The following XKR9 variants were observed in gnomAD, a reference collection of about 807,000 sequenced individuals.
The protein encoded by XKR9 is XK related 9, also known as XK-related protein 9.
Under a neutral mutation model 32.0 loss-of-function variants are expected in XKR9, and 32 were observed. The observed-to-expected ratio is 1.00, with a 90% CI of 0.76 to 1.34. XKR9 has a LOEUF of 1.34. Ranked by LOEUF, XKR9 falls within the 40% of genes most tolerant of loss-of-function variation. The probability of loss-of-function intolerance (pLI) is 0.00; values close to 1 mark genes in which losing one functional copy is unlikely to be tolerated. For synonymous variants in XKR9, 168 were observed against 143.4 expected, an observed-to-expected ratio of 1.17 and a Z score of -1.22; for missense variants, 546 against 429.7, an observed-to-expected ratio of 1.27 and a Z score of -2.39.
chr8:70,945,476 G>A, the XKR9 span, among the ~76,000 whole-genome samples: 1 of 152,190 alleles, frequency 6.6e-6, no homozygotes, highest in African/African-American at 2.4e-5. Flanking sequence ...TGACTAAGCA[G>A]TGCAAGATGC....
chr8:70,997,219 C>T, the XKR9 span, among the ~76,000 whole-genome samples: 1 of 152,004 alleles, frequency 6.6e-6, no homozygotes, highest in Non-Finnish European at 1.5e-5. Context: ...ATCGCTTGAA[C>T]CCGGAAGGCG....
the XKR9 span, among the ~76,000 whole-genome samples, chr8:70,815,213 A>G: frequency 6.6e-6 from 1 of 152,090 alleles, no homozygotes; most frequent in Non-Finnish European, 1.5e-5. Flanking sequence ...CAGGTTTGTT[A>G]TATAGGTAAA....
the XKR9 span, among the ~76,000 whole-genome samples, chr8:71,062,101 G>C: frequency 6.6e-6 from 1 of 152,324 alleles, no homozygotes; most frequent in Admixed American, 6.5e-5. Context: ...GTAGGAAGAA[G>C]AGCTTATTTT....
chr8:70,815,143 A>G, the XKR9 span, among the ~76,000 whole-genome samples: 1 of 151,318 alleles, frequency 6.6e-6, no homozygotes, highest in African/African-American at 2.4e-5. Context: ...GAATTTTTTT[A>G]CATTGTATTT....
At chr8:70,786,117 T>C (rs1434528696) in intron 2 of XKR9, among the ~76,000 whole-genome samples, 1 of 152,180 alleles carries the variant, frequency 6.6e-6, no homozygotes, top group East Asian at 1.9e-4. Context: ...TCTATTTTTA[T>C]AACATTGTGG....
chr8:71,049,504 G>A, the XKR9 span, among the ~76,000 whole-genome samples: 1 of 152,344 alleles, frequency 6.6e-6, no homozygotes, highest in African/African-American at 2.4e-5. Flanking sequence ...GGGGAAGGTA[G>A]ACATGTGAAG....
the XKR9 span, among the ~76,000 whole-genome samples, chr8:70,979,261 G>A: frequency 1.3e-5 from 2 of 152,116 alleles, no homozygotes; most frequent in Admixed American, 1.3e-4. Context: ...ATCATTCTCC[G>A]TCCAGCTTTG....
chr8:70,862,010 A>G, the XKR9 span, among the ~76,000 whole-genome samples: 2 of 152,080 alleles, frequency 1.3e-5, no homozygotes, highest in East Asian at 3.9e-4. Flanking sequence ...GTGGAAGGGA[A>G]CTTTTTCCTT....
the XKR9 span, among the ~76,000 whole-genome samples, chr8:71,005,917 C>T: frequency 1.3e-5 from 2 of 152,168 alleles, no homozygotes; most frequent in Non-Finnish European, 2.9e-5. Context: ...TTTATTCAGC[C>T]ACTCTCCACA....
At chr8:70,773,147 C>A (rs1312954294) in intron 2 of XKR9, among the ~76,000 whole-genome samples, 1 of 152,154 alleles carries the variant, frequency 6.6e-6, no homozygotes, top group African/African-American at 2.4e-5. Context: ...CCAGTGCATT[C>A]TTTCAGTGGT....
intron 2 of XKR9, among the ~76,000 whole-genome samples, chr8:70,789,162 A>C (rs985043948): frequency 6.6e-6 from 1 of 152,072 alleles, no homozygotes; most frequent in East Asian, 1.9e-4. Flanking sequence ...TTTACGTGTA[A>C]CTTAGGTCTG....
downstream of XKR9, among the ~76,000 whole-genome samples, chr8:70,739,563 C>T (rs564289048): frequency 1.6e-4 from 25 of 152,172 alleles, no homozygotes; most frequent in South Asian, 4.2e-3. Context: ...TTCCTAGCCT[C>T]GATGGTCTTT....
intron 2 of XKR9, among the ~76,000 whole-genome samples, chr8:70,767,496 C>CTTTTTTTTTTTTT (rs34400671): frequency 4.0e-5 from 4 of 99,350 alleles, no homozygotes; most frequent in Non-Finnish European, 5.8e-5. Flanking sequence ...TCTTTTCCTT[C>CTTTTTTTTTTTTT]TTTTTTTTTT....
the XKR9 span, among the ~76,000 whole-genome samples, chr8:71,022,151 C>T: frequency 6.6e-6 from 1 of 152,140 alleles, no homozygotes; most frequent in African/African-American, 2.4e-5. Context: ...TGTAGGTGTG[C>T]AGCTTTAATT....
chr8:70,751,191 C>T (rs139305474), intron 2 of XKR9, among the ~76,000 whole-genome samples: 5,697 of 152,202 alleles, frequency 0.037, 149 homozygotes, highest in South Asian at 0.079. Flanking sequence ...TGCAGTGGCG[C>T]GATTCGGCTC....
intron 2 of XKR9, among the ~76,000 whole-genome samples, chr8:70,756,037 G>A (rs773219088): frequency 6.6e-6 from 1 of 152,040 alleles, no homozygotes; most frequent in Non-Finnish European, 1.5e-5. Flanking sequence ...GATGTATTTG[G>A]AGTTGATTTG....
At chr8:70,881,815 C>G in the XKR9 span, among the ~76,000 whole-genome samples, 18 of 152,248 alleles carry the variant, frequency 1.2e-4, no homozygotes, top group African/African-American at 4.3e-4. Flanking sequence ...CACTTGCAAA[C>G]GTATGTTTAT....
chr8:71,020,970 T>C, the XKR9 span, among the ~76,000 whole-genome samples: 3 of 152,190 alleles, frequency 2.0e-5, no homozygotes, highest in Non-Finnish European at 4.4e-5. Flanking sequence ...CTTACAGTTG[T>C]TCAGGCTATA....
chr8:70,725,593 G>C (rs1490888244), intron 4 of XKR9, among the ~76,000 whole-genome samples: 2 of 151,980 alleles, frequency 1.3e-5, no homozygotes, highest in African/African-American at 4.8e-5. Context: ...TTTAAAAAAC[G>C]ATGTACGAGA....
Sources: allele counts gnomAD v4.1 joint callset (sites outside exome capture counted in the v4.1 genomes callset), GRCh38; gene constraint gnomAD v4.1.1; transcripts MANE v1.5; gene names NCBI Gene and HGNC (gene_info 2026-07-23, HGNC 2026-07-21).